Variants in SCRIB observed in about 807,000 individuals in gnomAD.
SCRIB encodes the protein scribble planar cell polarity protein.
SCRIB carries 72 observed loss-of-function variants against 170.0 expected under a neutral mutation model. The ratio of observed to expected loss-of-function variants is 0.42; its 90% CI spans 0.35 to 0.52. The LOEUF (loss-of-function observed/expected upper bound fraction) is 0.52. Among genes scored for constraint, SCRIB ranks in the 20% least tolerant of loss-of-function variants. The probability of loss-of-function intolerance (pLI) is 0.02; values close to 1 mark genes in which losing one functional copy is unlikely to be tolerated. For missense variants in SCRIB, 2,475 were observed against 2,338.5 expected (o/e 1.06, Z -1.20); for synonymous variants, 1,298 against 1,044.3 (o/e 1.24, Z -4.68).
rs752693021 is a variant in SCRIB at position 143,808,729 on chromosome 8, T to TTCCTCC, written c.1989_1994dup (p.Glu665_Glu666dup). 1 of 1,586,274 alleles carries TTCCTCC rather than the reference T, an allele frequency of 6.3e-7. No homozygotes were observed. The highest frequency in any genetic ancestry group is 8.6e-7 in the Non-Finnish European group (1 of 1,163,394). ...CCTCCTCCTCCTGAGGACTACCCTC[T>TTCCTCC]TCCTCCTCCTCCTCCTCCTTCTGGG... is the stretch of plus-strand genomic sequence containing the variant. On this transcript the variant is annotated inframe_insertion, in exon 15 of 37. Transcript: ENST00000356994.
At chr8:143,791,556 G>GA in intron 35 of SCRIB, 110 bp downstream of exon 35, 1 of 1,559,472 alleles carries the variant, frequency 6.4e-7, no homozygotes, top group Non-Finnish European at 8.8e-7. Context: ...GGGAGGGGGG[G>GA]TGAAGAGGCA....
chr8:143,792,362 C>G lies in SCRIB; in HGVS notation c.4372G>C (p.Val1458Leu). The G allele has an allele frequency of 6.5e-7, 1 of 1,530,472 alleles. No homozygotes were observed. Among genetic ancestry groups the G allele is most frequent in the Non-Finnish European group, 8.7e-7 (1 of 1,144,186 alleles). The allele number at this position is 1,530,472 out of a possible 1,614,324, so 94.8% of individuals were successfully genotyped here. A position where few individuals can be genotyped will look rare whatever the true frequency, so the allele number is the denominator to read the frequency against. Residue 1458 changes from valine to leucine, a missense_variant, in exon 32 of 37, where the codon GTG becomes CTG. Val to Leu is a conservative substitution (Grantham distance 32). Transcript: ENST00000356994. ...CGCCGTTCAGCTTTGGCCGTCCGCA[C>G]CGGGGCGCCACCTCCCAGGGGTGGG... is the stretch of plus-strand genomic sequence containing the variant. ...SPPPLGGGAP[V>L]RTAKAERRHQ...
rs539337010 is a variant in SCRIB at position 143,815,296 on chromosome 8, G to A, written c.77C>T (p.Ala26Val). Residue 26 changes from alanine to valine, a missense_variant, in exon 1 of 37, where the codon GCC (alanine) becomes GTC (valine). Transcript: ENST00000356994. ...GTAGCGGTAGATCTCCTCCGGCACG[G>A]CCTGCAGCGAACAGTGCCGCTTGTC... ...SVDKRHCSLQ[A>V]VPEEIYRYSR... is the part of the protein sequence containing the mutation. 5.6e-6 allele frequency: 9 copies of A among 1,594,786 alleles called. No individual in the cohort carries two copies. In the East Asian group the frequency reaches 9.3e-5, roughly 17 times the overall value.
intron 8 of SCRIB, 143 bp from the exon 9 acceptor site, chr8:143,812,527 C>T (rs2130141177): frequency 3.3e-6 from 2 of 614,700 alleles, no homozygotes; most frequent in Middle Eastern, 3.2e-4. Flanking sequence ...CCCTACCTAC[C>T]TTGCCCCACA....
Position 143,810,482 on chromosome 8 carries a change from C to T in SCRIB, c.1527G>A (p.Glu509=). The stretch of plus-strand genomic sequence containing the variant: ...GTTGCCGTGGCTCCATGCCCACCTC[C>T]TCTGCAGGCAAGGGCGACCCAGAGT... ...QPDSGSPLPA[E]EEKRLSAESG... is the part of the protein sequence containing the mutation. Residue 509 remains glutamate (E), a synonymous_variant, in exon 13 of 37, where the codon GAG becomes GAA. Coordinates refer to ENST00000356994, the MANE Select transcript of SCRIB (RefSeq NM_182706.5). 2 of 1,607,864 alleles carry T rather than the reference C, an allele frequency of 1.2e-6. No homozygotes were observed. Among genetic ancestry groups the T allele is most frequent in the Non-Finnish European group, 8.5e-7 (1 of 1,179,730 alleles).
At chr8:143,806,682 G>A (rs897845361) in intron 17 of SCRIB, among the ~76,000 whole-genome samples, 198 bp from the exon 18 acceptor site, 19 of 152,324 alleles carry the variant, frequency 1.2e-4, no homozygotes, top group African/African-American at 2.2e-4. Flanking sequence ...GAAAGGGCTC[G>A]TGGCCCCAGG....
rs1255259447 is a variant in SCRIB, at chr8:143,813,718, T to C, written c.365A>G (p.Asp122Gly). The C allele has an allele frequency of 6.2e-7, 1 of 1,613,486 alleles. No homozygotes were observed. Among genetic ancestry groups the C allele is most frequent in the South Asian group, 1.1e-5 (1 of 91,076 alleles). Residue 122 changes from aspartate to glycine, a missense_variant, in exon 4 of 37, where the codon GAT becomes GGT. Physicochemically the swap from Asp to Gly is moderately conservative, Grantham distance 94. Coordinates refer to ENST00000356994, the MANE Select transcript of SCRIB (RefSeq NM_182706.5). Reference sequence around the variant, plus strand: ...CAGGCTGCGCAGCTGAGTGAAGCCATCAGGGAGCCTGGATGGGAGGAAGCA... The same window carrying C: ...CAGGCTGCGCAGCTGAGTGAAGCCACCAGGGAGCCTGGATGGGAGGAAGCA... ...FSGNPLSRLP[D>G]GFTQLRSLAH... is the part of the protein sequence containing the mutation.
chr8:143,791,811 G>A, intron 34 of SCRIB, 65 bp downstream of exon 34: 1 of 1,483,932 alleles, frequency 6.7e-7, no homozygotes, highest in Non-Finnish European at 9.2e-7. Flanking sequence ...ACGGGGGTGG[G>A]GGCAGGCCAG....
intron 18 of SCRIB, among the ~76,000 whole-genome samples, chr8:143,806,058 G>A (rs529586762): frequency 6.6e-6 from 1 of 152,240 alleles, no homozygotes; most frequent in South Asian, 2.1e-4. Context: ...CCAGTAGCCT[G>A]ACCCCTCTCG....
Position 143,806,447 on chromosome 8 carries a change from G to A in SCRIB, c.2306C>T (p.Ala769Val), listed in dbSNP as rs1250866139. 2 of 1,605,506 alleles carry A rather than the reference G, an allele frequency of 1.2e-6. No homozygotes were observed. Among genetic ancestry groups the A allele is most frequent in the Non-Finnish European group, 1.7e-6 (2 of 1,176,026 alleles). The part of the protein sequence containing the change: ...FISRVSEEGP[A>V]ARAGVRVGDK... ...ACCCACACGGACTCCAGCCCGGGCC[G>A]CAGGGCCTTCCTCGGACACCCGAGA... The change falls in exon 18 of 37, where the codon GCG becomes GTG. Residue 769 changes from alanine (A) to valine (V), a missense_variant. Around this residue, in one of 3 missense-constraint regions of SCRIB, gnomAD observed 1,966 missense variants for 1,742.9 expected, o/e 1.13. Coordinates refer to ENST00000356994, the MANE Select transcript of SCRIB (RefSeq NM_182706.5).
chr8:143,791,464 A>T, intron 35 of SCRIB, 24 bp from the exon 36 acceptor site: 1 of 1,607,556 alleles, frequency 6.2e-7, no homozygotes, highest in Non-Finnish European at 8.5e-7. Flanking sequence ...AGTGTTGGTC[A>T]GGCCGGTGCC....
chr8:143,809,727 G>C lies in SCRIB; in HGVS notation c.1531-9C>G. On this transcript the variant is annotated splice_polypyrimidine_tract_variant and intron_variant, in intron 13 of 36. Coordinates refer to ENST00000356994, the MANE Select transcript of SCRIB (RefSeq NM_182706.5). ...GCACTCAGCCGCTTCTCCTGCGGCG[G>C]GAAGTGGGGTCAGGCTTCGACGGAG... The C allele has an allele frequency of 6.2e-7, 1 of 1,605,970 alleles. No homozygotes were observed. Among genetic ancestry groups the C allele is most frequent in the Non-Finnish European group, 8.5e-7 (1 of 1,178,428 alleles).
At chr8:143,804,442 G>A in intron 21 of SCRIB, 126 bp downstream of exon 21, 9 of 1,029,944 alleles carry the variant, frequency 8.7e-6, no homozygotes, top group Non-Finnish European at 1.2e-5. Flanking sequence ...GAGCTGCAGG[G>A]GAAAGGGCGA....
chr8:143,810,081 A>G (rs116588633), intron 13 of SCRIB, among the ~76,000 whole-genome samples: 358 of 152,084 alleles, frequency 2.4e-3, no homozygotes, highest in African/African-American at 8.4e-3. Flanking sequence ...CTGCACCCAA[A>G]AACCCACAGC....
chr8:143,803,042 C>G (rs1815237631), intron 24 of SCRIB, among the ~76,000 whole-genome samples: 1 of 152,230 alleles, frequency 6.6e-6, no homozygotes, highest in African/African-American at 2.4e-5. Context: ...CATCCCTTAG[C>G]AGCCTGATGG....
chr8:143,809,236 G>A (rs1815589637), intron 14 of SCRIB, among the ~76,000 whole-genome samples: 2 of 152,164 alleles, frequency 1.3e-5, no homozygotes, highest in African/African-American at 2.4e-5. Flanking sequence ...CGCCCCAGGT[G>A]GAAACGAAGG....
rs901047300 is a variant in SCRIB, at chr8:143,814,107, C to A, written c.171G>T (p.Arg57=). 6.4e-7 allele frequency: 1 copy of A among 1,553,572 alleles called. No homozygotes were observed. Among genetic ancestry groups the A allele is most frequent in the Non-Finnish European group, 8.7e-7 (1 of 1,148,230 alleles). ...GGCCCAGCTTGCGCAAGTTCAGCAGCCGGAAAAAAGGCTGTGGGCAGGGAG... is the reference window on the plus strand; with the variant it reads ...GGCCCAGCTTGCGCAAGTTCAGCAGACGGAAAAAAGGCTGTGGGCAGGGAG... ...QLRELPKPFF[R]LLNLRKLGLS... is the part of the protein sequence containing the mutation. The change falls in exon 2 of 37, where the codon CGG becomes CGT. Residue 57 remains arginine, a synonymous_variant. Transcript: ENST00000356994.
In SCRIB at chr8:143,813,663, C is replaced by T. The variant is rs767546101; in HGVS notation, c.420G>A (p.Leu140=). The T allele has an allele frequency of 1.9e-6, 3 of 1,613,556 alleles. No individual in the cohort carries two copies. The highest frequency in any genetic ancestry group is 2.2e-5 in the East Asian group (1 of 44,888). The change falls in exon 4 of 37, where the codon CTG becomes CTA. Residue 140 remains leucine (L), a synonymous_variant. Coordinates refer to ENST00000356994, the MANE Select transcript of SCRIB (RefSeq NM_182706.5). ...LAHLALNDVS[L]QALPGDVGNL... is the part of the protein sequence containing the mutation. ...TGCCCACGTCCCCGGGCAGTGCCTG[C>T]AGAGACACATCATTCAGGGCCAGGT...
chr8:143,804,543 G>A, intron 21 of SCRIB, 25 bp downstream of exon 21: 2 of 1,487,588 alleles, frequency 1.3e-6, no homozygotes, highest in Admixed American at 4.7e-5. Flanking sequence ...CTGGGTGGGT[G>A]CCTGGGTGGG....
Sources: allele counts gnomAD v4.1 joint callset (sites outside exome capture counted in the v4.1 genomes callset), GRCh38; gene constraint gnomAD v4.1.1; regional missense constraint gnomAD v4.1.1; transcripts MANE v1.5; gene names NCBI Gene and HGNC (gene_info 2026-07-23, HGNC 2026-07-21).